Variants in TTC6 observed in about 807,000 individuals in gnomAD.
The protein encoded by TTC6 is tetratricopeptide repeat protein 6.
TTC6 carries 172 observed loss-of-function variants against 210.4 expected under a neutral mutation model. That is an observed-to-expected ratio of 0.82 (90% CI 0.72 to 0.93). The LOEUF is 0.93. Ranked by LOEUF, TTC6 falls within the 40% of genes least tolerant of loss-of-function variation. TTC6 has a pLI of 0.00. For missense variants in TTC6, 2,414 were observed against 2,318.1 expected (o/e 1.04, Z -0.85); for synonymous variants, 804 against 819.6 (o/e 0.98, Z 0.32).
At chr14:37,715,631 A>C (rs1470681023) in intron 6 of TTC6, among the ~76,000 whole-genome samples, 1 of 152,194 alleles carries the variant, frequency 6.6e-6, no homozygotes, top group Non-Finnish European at 1.5e-5. Context: ...TAGGGGAAAA[A>C]CAAGTTGAAT....
At chr14:37,745,466 G>A (rs1242889389) in intron 10 of TTC6, among the ~76,000 whole-genome samples, 1 of 152,056 alleles carries the variant, frequency 6.6e-6, no homozygotes, top group African/African-American at 2.4e-5. Context: ...TGTGAGATGG[G>A]ATGAGGACAG....
chr14:37,666,446 CAAAA>C (rs11416752), intron 1 of TTC6, among the ~76,000 whole-genome samples: 3 of 122,066 alleles, frequency 2.5e-5, no homozygotes, highest in Non-Finnish European at 1.8e-5. Flanking sequence ...GGCCCTGTCT[CAAAA>C]AAAAAAAAAA....
intron 26 of TTC6, among the ~76,000 whole-genome samples, chr14:37,818,503 T>TAAGTTAGAA (rs148747460): frequency 0.017 from 2,650 of 152,272 alleles, 89 homozygotes; most frequent in African/African-American, 0.061. Context: ...TTTGGAGGAT[T>TAAGTTAGAA]AAGTTAGAAT....
At chr14:37,663,943 A>ATAGCAATAAAATGGATAAATCC (rs1555384819) in intron 1 of TTC6, among the ~76,000 whole-genome samples, 3 of 150,142 alleles carry the variant, frequency 2.0e-5, no homozygotes, top group Non-Finnish European at 4.5e-5. Context: ...TATAGCTAAT[A>ATAGCAATAAAATGGATAAATCC]AGGGAAGTGA....
chr14:37,841,537 A>G (rs762689920), exon 30 of TTC6: 7 of 1,604,620 alleles, frequency 4.4e-6, no homozygotes, highest in Non-Finnish European at 5.1e-6. Context: ...TATTAAAGAA[A>G]TATGAAGAAG....
intron 2 of TTC6, 70 bp from the exon 5 acceptor site, chr14:37,682,688 T>C (rs2095786510): frequency 4.7e-6 from 6 of 1,274,356 alleles, no homozygotes; most frequent in South Asian, 4.1e-5. Flanking sequence ...ATAGAAACTG[T>C]TGCATCACTG....
chr14:37,633,040 G>A (rs996819759), intron 1 of TTC6, among the ~76,000 whole-genome samples: 1 of 152,210 alleles, frequency 6.6e-6, no homozygotes, highest in Non-Finnish European at 1.5e-5. Context: ...TTAAGCCAGT[G>A]GATCTTAGCT....
At chr14:37,718,564 G>A (rs938193910) in intron 6 of TTC6, among the ~76,000 whole-genome samples, 2 of 149,892 alleles carry the variant, frequency 1.3e-5, no homozygotes, top group African/African-American at 4.9e-5. Flanking sequence ...GGAAAAAAAA[G>A]CTTGCAGACC....
At chr14:37,652,129 T>G (rs2095714190) in intron 1 of TTC6, among the ~76,000 whole-genome samples, 1 of 152,196 alleles carries the variant, frequency 6.6e-6, no homozygotes, top group Non-Finnish European at 1.5e-5. Flanking sequence ...AGGGCATGGT[T>G]AAACAGGACA....
intron 1 of TTC6, among the ~76,000 whole-genome samples, chr14:37,669,077 C>T (rs1350598513): frequency 6.6e-6 from 1 of 152,090 alleles, no homozygotes; most frequent in Non-Finnish European, 1.5e-5. Flanking sequence ...TGCTTCTGCC[C>T]AAAGATTGTC....
chr14:37,794,038 C>A (rs1595276304), intron 17 of TTC6, among the ~76,000 whole-genome samples: 1 of 152,276 alleles, frequency 6.6e-6, no homozygotes, highest in Admixed American at 6.5e-5. Flanking sequence ...TAAATCTAAT[C>A]TAAGGCTACC....
chr14:37,612,023 G>A (rs2095635567), intron 2 of TTC6, among the ~76,000 whole-genome samples: 1 of 151,812 alleles, frequency 6.6e-6, no homozygotes, highest in Non-Finnish European at 1.5e-5. Flanking sequence ...TCTAAAAGTT[G>A]AACAAATTGC....
At chr14:37,787,522 A>G in exon 15 of TTC6, 1 of 1,532,086 alleles carries the variant, frequency 6.5e-7, no homozygotes, top group Non-Finnish European at 8.7e-7. Flanking sequence ...AAGCAACTCA[A>G]GATTTTTCTG....
chr14:37,799,549 G>A (rs1199799104), intron 20 of TTC6, among the ~76,000 whole-genome samples: 1 of 152,066 alleles, frequency 6.6e-6, no homozygotes, highest in Admixed American at 6.6e-5. Context: ...CAGAGTATGG[G>A]AAAGATGATG....
intron 5 of TTC6, among the ~76,000 whole-genome samples, chr14:37,711,843 A>G (rs2095845224): frequency 6.6e-6 from 1 of 152,112 alleles, no homozygotes; most frequent in Non-Finnish European, 1.5e-5. Flanking sequence ...AGATACAGTG[A>G]ACAGGAGAGA....
At chr14:37,683,055 A>C (rs957239308) in intron 3 of TTC6, 91 bp downstream of exon 5, 1 of 1,157,364 alleles carries the variant, frequency 8.6e-7, no homozygotes, top group Non-Finnish European at 1.2e-6. Context: ...GGACCAACGT[A>C]TGGGGCTGGG....
rs556188906 is a variant in TTC6, at chr14:37,837,999, C to T, written c.5299-3446C>T. ...ATGTGTTCATTAGGCTTGAGGACAT[C>T]TGCAACTTTAGCAACAACAGAATTC... On this transcript the variant is annotated intron_variant, in intron 29 of 30. Transcript: ENST00000553443. 2.0e-5 allele frequency among the ~76,000 whole-genome samples: 3 copies of T among 152,300 alleles called. No homozygotes were observed. The South Asian group carries it at 6.2e-4, about 32-fold the overall frequency.
At chr14:37,687,246 A>G (rs1450142127) in intron 3 of TTC6, among the ~76,000 whole-genome samples, 2 of 152,132 alleles carry the variant, frequency 1.3e-5, no homozygotes, top group Non-Finnish European at 2.9e-5. Context: ...AAACTTAACC[A>G]AACTCAGCTG....
At chr14:37,768,894 A>G (rs1181365403) in intron 14 of TTC6, among the ~76,000 whole-genome samples, 2 of 150,414 alleles carry the variant, frequency 1.3e-5, no homozygotes, top group East Asian at 2.0e-4. Context: ...TTCAAAGGGA[A>G]TGCTTCCAGT....
Sources: gnomAD v4.1 joint callset for allele counts (sites outside exome capture counted in the v4.1 genomes callset) on GRCh38, gnomAD v4.1.1 for gene constraint, MANE v1.5 for transcripts, NCBI Gene and HGNC (gene_info 2026-07-23, HGNC 2026-07-21) for gene names.